The following BRF1 variants were observed in gnomAD, a reference collection of about 807,000 sequenced individuals.
BRF1 encodes transcription factor IIIB 90 kDa subunit.
In BRF1, 59 loss-of-function variants were observed where a neutral mutation model predicts 81.7. That is an observed-to-expected ratio of 0.72 (90% CI 0.59 to 0.90). BRF1 has a LOEUF of 0.90. Among genes scored for constraint, BRF1 ranks in the 40% least tolerant of loss-of-function variants. The pLI, the probability that BRF1 is intolerant of heterozygous loss-of-function variation, is 0.00. For missense variants in BRF1, 1,050 were observed against 936.3 expected (o/e 1.12, Z -1.58); for synonymous variants, 491 against 395.6 (o/e 1.24, Z -2.86).
intron 5 of BRF1, chr14:105,242,210 T>G (rs895616139): frequency 6.6e-6 from 1 of 152,274 alleles, no homozygotes; most frequent in Non-Finnish European, 1.5e-5. Flanking sequence ...TTTACCCTGA[T>G]GTGACTGTTA....
At chr14:105,249,999 G>A (rs367672327) in intron 5 of BRF1, 2 of 1,612,806 alleles carry the variant, frequency 1.2e-6, no homozygotes, top group African/African-American at 1.3e-5. Flanking sequence ...GAGTGCAAGA[G>A]GCAGGGGCTG....
At chr14:105,244,326 C>T (rs587671166) in intron 5 of BRF1, among the ~76,000 whole-genome samples, 5 of 152,236 alleles carry the variant, frequency 3.3e-5, no homozygotes, top group African/African-American at 1.2e-4. Context: ...TACCTGTTGT[C>T]TCAGCTACTT....
At chr14:105,275,498 C>T (rs943863298) in intron 2 of BRF1, among the ~76,000 whole-genome samples, 1 of 152,254 alleles carries the variant, frequency 6.6e-6, no homozygotes, top group Non-Finnish European at 1.5e-5. Flanking sequence ...CAGCACAGAC[C>T]GTCCCCGCGG....
intron 15 of BRF1, among the ~76,000 whole-genome samples, chr14:105,215,662 C>T (rs1462061729): frequency 7.3e-6 from 1 of 136,592 alleles, no homozygotes; most frequent in East Asian, 2.3e-4. Flanking sequence ...ACACACACTG[C>T]ATACACAGGC....
Position 105,309,717 on chromosome 14 carries a change from C to A in BRF1, c.-162+5605G>T, listed in dbSNP as rs184908330. Among the ~76,000 whole-genome samples the A allele has an allele frequency of 3.0e-4, 45 of 151,684 alleles. No individual in the cohort carries two copies. The highest frequency in any genetic ancestry group is 2.6e-3 in the Admixed American group (39 of 15,234). ...CAGGACACCGAGGATGTCATCACGA[C>A]CTTAGGTCTGTATTAGGTCTAGATT... On this transcript the variant is annotated intron_variant, in intron 1 of 17. Coordinates refer to the BRF1 transcript ENST00000327359. This position sits in a 1 kb window ranked among gnomAD's most constrained non-coding sequence, Gnocchi z 4.0.
At chr14:105,224,615 C>T (rs1892797579) in intron 10 of BRF1, among the ~76,000 whole-genome samples, 1 of 152,202 alleles carries the variant, frequency 6.6e-6, no homozygotes, top group Non-Finnish European at 1.5e-5. Flanking sequence ...GTGGTGCAAT[C>T]ATAGCTCACT....
intron 5 of BRF1, chr14:105,241,633 C>A: frequency 1.6e-6 from 1 of 622,348 alleles, no homozygotes; most frequent in Non-Finnish European, 2.8e-6. Context: ...GCCAGCCAGC[C>A]TGCTGCAGAC....
At position 105,210,708 on chromosome 14, in the gene BRF1, C is replaced by A; in HGVS notation, c.1997-120G>T. The A allele has an allele frequency of 8.8e-7, 1 of 1,138,182 alleles. No individual in the cohort carries two copies. The highest frequency in any genetic ancestry group is 1.2e-6 in the Non-Finnish European group (1 of 801,480). The allele number at this position is 1,138,182 out of a possible 1,614,324, so 70.5% of individuals were successfully genotyped here. A position where few individuals can be genotyped will look rare whatever the true frequency, so the allele number is the denominator to read the frequency against. On this transcript the variant is annotated intron_variant, in intron 17 of 17. Coordinates refer to ENST00000547530, the MANE Select transcript of BRF1 (RefSeq NM_001519.4). The surrounding 1 kb of genome is among the most constrained non-coding windows in gnomAD (Gnocchi z 4.7). ...ACTCAGGCTCCAGCCCCAGCCCCAG[C>A]CCCCCGCGCCCCGCCAGGAGCCATC...
At chr14:105,229,632 C>A (rs587634179) in intron 6 of BRF1, among the ~76,000 whole-genome samples, 1 of 151,198 alleles carries the variant, frequency 6.6e-6, no homozygotes, top group Admixed American at 6.6e-5. Flanking sequence ...GAACAGTCGC[C>A]CAGCTGGGGG....
rs1046515964 is a variant in BRF1, at chr14:105,277,558, A to T, written c.266-4664T>A. ...TGGGGAGGAGGCCACAGTGAGAAGGAGCTGAGAGGCGGCCCTCACTAGAGA... is the reference window on the plus strand; with the variant it reads ...TGGGGAGGAGGCCACAGTGAGAAGGTGCTGAGAGGCGGCCCTCACTAGAGA... On this transcript the variant is annotated intron_variant, in intron 2 of 17. Transcript: ENST00000547530. Among the ~76,000 whole-genome samples the T allele has an allele frequency of 2.2e-5, 3 of 139,218 alleles. 1 individual carries two copies. Among genetic ancestry groups the T allele is most frequent in the Non-Finnish European group, 4.7e-5 (3 of 63,494 alleles). The allele number at this position is 139,218 out of a possible 152,430, so 91.3% of individuals were successfully genotyped here.
chr14:105,242,463 G>A (rs587667443), intron 5 of BRF1: 8 of 152,158 alleles, frequency 5.3e-5, no homozygotes, highest in South Asian at 4.1e-4. Flanking sequence ...TAGGCTGGGC[G>A]CGGTGGCTCA....
At chr14:105,287,083 C>T (rs987103492) in intron 1 of BRF1, among the ~76,000 whole-genome samples, 1 of 152,252 alleles carries the variant, frequency 6.6e-6, no homozygotes, top group Admixed American at 6.5e-5. Flanking sequence ...TCAGTCCACC[C>T]ACCCATGGGG....
chr14:105,298,397 A>C (rs1192693908), intron 1 of BRF1, among the ~76,000 whole-genome samples: 1 of 152,248 alleles, frequency 6.6e-6, no homozygotes, highest in African/African-American at 2.4e-5. Context: ...TCAACAGGGC[A>C]GGACACAAGG....
chr14:105,256,354 A>T (rs766671392), intron 4 of BRF1, 164 bp downstream of exon 4: 1 of 1,563,258 alleles, frequency 6.4e-7, no homozygotes, highest in South Asian at 1.2e-5. Flanking sequence ...CCATGTCATG[A>T]AGGCCCCTCA....
At chr14:105,310,115 ATAG>A (rs2058307955) in intron 1 of BRF1, among the ~76,000 whole-genome samples, 1 of 152,000 alleles carries the variant, frequency 6.6e-6, no homozygotes, top group Non-Finnish European at 1.5e-5. Flanking sequence ...ACAATTCGTG[ATAG>A]TAGTGACAAC....
chr14:105,228,780 C>T (rs374609354), intron 7 of BRF1, 40 bp downstream of exon 7: 5 of 1,607,824 alleles, frequency 3.1e-6, no homozygotes, highest in Admixed American at 1.7e-5. Context: ...ACTGATGAAG[C>T]CTCTGTGTGG....
At chr14:105,250,109 C>G (rs952680298) in intron 5 of BRF1, 1 of 1,612,866 alleles carries the variant, frequency 6.2e-7, no homozygotes, top group Non-Finnish European at 8.5e-7. Flanking sequence ...CGGCGCTGCC[C>G]AGTCAGACAT....
At chr14:105,256,574 TC>T (rs757987304) in intron 3 of BRF1, 25 bp from the exon 4 acceptor site, 2 of 1,610,330 alleles carry the variant, frequency 1.2e-6, no homozygotes, top group East Asian at 4.5e-5. Context: ...AAGGATCCTG[TC>T]GAGTGGCTGC....
intron 5 of BRF1, chr14:105,250,838 G>C: frequency 1.4e-6 from 1 of 740,610 alleles, no homozygotes; most frequent in Non-Finnish European, 2.2e-6. Flanking sequence ...CCAGAACCCA[G>C]GGATTGGAGT....
Sources: allele counts gnomAD v4.1 joint callset (sites outside exome capture counted in the v4.1 genomes callset), GRCh38; gene constraint gnomAD v4.1.1; non-coding constraint Gnocchi (gnomAD v3.1); transcripts MANE v1.5; gene names NCBI Gene and HGNC (gene_info 2026-07-23, HGNC 2026-07-21).